The following IFT43 variants were observed in gnomAD, a reference collection of about 807,000 sequenced individuals.
The protein encoded by IFT43 is intraflagellar transport protein 43 homolog.
IFT43 carries 33 observed loss-of-function variants against 32.3 expected under a neutral mutation model. That is an observed-to-expected ratio of 1.02 (90% CI 0.77 to 1.37). IFT43 has a LOEUF of 1.37. IFT43 is among the 40% of genes most tolerant of loss of function. The pLI, the probability that IFT43 is intolerant of heterozygous loss-of-function variation, is 0.00. For synonymous variants in IFT43, 93 were observed against 98.2 expected (o/e 0.95, Z 0.31); for missense variants, 274 against 265.9 (o/e 1.03, Z -0.21).
chr14:76,066,620 C>T (rs2037228403), intron 5 of IFT43, among the ~76,000 whole-genome samples: 1 of 152,182 alleles, frequency 6.6e-6, no homozygotes, highest in Non-Finnish European at 1.5e-5. Flanking sequence ...GGAATGATTT[C>T]CCTGAATCAT....
intron 5 of IFT43, chr14:76,076,643 C>A: frequency 6.2e-7 from 1 of 1,614,150 alleles, no homozygotes; most frequent in African/African-American, 1.3e-5. Context: ...CGCATGCTAT[C>A]ACAAAACGCA....
chr14:76,083,315 G>A, intron 8 of IFT43, 26 bp downstream of exon 8: 1 of 1,610,752 alleles, frequency 6.2e-7, no homozygotes, highest in Non-Finnish European at 8.5e-7. Context: ...CAATTCCCCG[G>A]TCTCTCAGCT....
chr14:75,992,681 G>A (rs930193060), intron 2 of IFT43, among the ~76,000 whole-genome samples: 3 of 152,120 alleles, frequency 2.0e-5, no homozygotes, highest in Admixed American at 6.5e-5. Context: ...GGGTAGCTGG[G>A]ACCACAGGCA....
intron 3 of IFT43, among the ~76,000 whole-genome samples, chr14:76,039,760 C>G (rs1324691762): frequency 6.6e-6 from 1 of 152,124 alleles, no homozygotes; most frequent in Non-Finnish European, 1.5e-5. Flanking sequence ...CTCAGGCACC[C>G]AGTTTCCTCT....
intron 2 of IFT43, among the ~76,000 whole-genome samples, chr14:76,008,398 G>A (rs1317478501): frequency 6.6e-6 from 1 of 152,070 alleles, no homozygotes; most frequent in Non-Finnish European, 1.5e-5. Context: ...TAATATAATA[G>A]CCACTGTTAT....
rs180933983 is a variant in IFT43, at chr14:76,015,845, A to G, written c.148-6482A>G. Among the ~76,000 whole-genome samples, 86 of 152,344 alleles carry G rather than the reference A, an allele frequency of 5.6e-4. 1 individual carries two copies. Among genetic ancestry groups the G allele is most frequent in the African/African-American group, 1.9e-3 (78 of 41,580 alleles). The stretch of plus-strand genomic sequence containing the variant: ...ATATCCGTTAGTAAAGTGACAGTTC[A>G]GTCCAGGCTCAAAGGAGCCATTTTA... On this transcript the variant is annotated intron_variant, in intron 2 of 8. Transcript: ENST00000314067.
intron 5 of IFT43, among the ~76,000 whole-genome samples, chr14:76,067,210 A>G (rs2037238884): frequency 6.6e-6 from 1 of 152,180 alleles, no homozygotes. Flanking sequence ...ATGCCTAGGG[A>G]TAGAAGACAA....
intron 5 of IFT43, among the ~76,000 whole-genome samples, chr14:76,071,206 C>G (rs2037315465): frequency 6.6e-6 from 1 of 152,180 alleles, no homozygotes; most frequent in Admixed American, 6.5e-5. Flanking sequence ...TGTCTCAGTG[C>G]TTTGTTAAAT....
intron 2 of IFT43, among the ~76,000 whole-genome samples, chr14:75,996,678 C>T (rs1015554274): frequency 7.2e-5 from 11 of 152,224 alleles, no homozygotes; most frequent in South Asian, 2.1e-4. Context: ...TGTTTGCCAA[C>T]ACCTTTCTGT....
At chr14:76,037,297 C>T (rs528377242) in intron 3 of IFT43, among the ~76,000 whole-genome samples, 3 of 152,316 alleles carry the variant, frequency 2.0e-5, no homozygotes, top group South Asian at 2.1e-4. Flanking sequence ...CACAGGTGTC[C>T]GGTCATTCCA....
At chr14:75,998,482 A>G (rs1198277343) in intron 2 of IFT43, among the ~76,000 whole-genome samples, 1 of 152,170 alleles carries the variant, frequency 6.6e-6, no homozygotes, top group Non-Finnish European at 1.5e-5. Flanking sequence ...GAAGCTGAGG[A>G]CCACTTGTGT....
intron 7 of IFT43, 74 bp downstream of exon 7, chr14:76,082,766 C>A: frequency 8.7e-7 from 1 of 1,143,462 alleles, no homozygotes; most frequent in Non-Finnish European, 1.3e-6. Flanking sequence ...TTTCTCAGTT[C>A]CTCCCAAGCT....
At chr14:76,081,292 C>T (rs1198785101) in intron 5 of IFT43, among the ~76,000 whole-genome samples, 1 of 152,260 alleles carries the variant, frequency 6.6e-6, no homozygotes, top group Non-Finnish European at 1.5e-5. Flanking sequence ...AAGATGTCTT[C>T]ACCAGTCTAC....
intron 3 of IFT43, among the ~76,000 whole-genome samples, chr14:76,043,586 G>A (rs1385120593): frequency 6.6e-6 from 1 of 152,110 alleles, no homozygotes; most frequent in Non-Finnish European, 1.5e-5. Context: ...TTTTGACATG[G>A]GACAACCTTG....
At chr14:76,050,606 A>T (rs1027136156) in intron 3 of IFT43, among the ~76,000 whole-genome samples, 2 of 152,066 alleles carry the variant, frequency 1.3e-5, no homozygotes, top group East Asian at 3.9e-4. Context: ...ACAGGTGCAC[A>T]CCGCTGTACC....
intron 3 of IFT43, among the ~76,000 whole-genome samples, chr14:76,051,214 C>CT (rs1338222199): frequency 6.8e-6 from 1 of 146,684 alleles, no homozygotes; most frequent in Non-Finnish European, 1.5e-5. Flanking sequence ...AATATGGTAC[C>CT]TAGCGGCATA....
chr14:76,048,437 G>T (rs191585642), intron 3 of IFT43, among the ~76,000 whole-genome samples: 2 of 152,182 alleles, frequency 1.3e-5, no homozygotes. Context: ...AAAATTCTCC[G>T]AACATAAATG....
At chr14:76,026,259 TAAA>T (rs2036391807) in intron 3 of IFT43, among the ~76,000 whole-genome samples, 1 of 152,042 alleles carries the variant, frequency 6.6e-6, no homozygotes, top group African/African-American at 2.4e-5. Flanking sequence ...TGGCAGTTAT[TAAA>T]AAGTCAAAAA....
At chr14:76,043,471 AT>A (rs571213911) in intron 3 of IFT43, among the ~76,000 whole-genome samples, 188 of 146,080 alleles carry the variant, frequency 1.3e-3, no homozygotes, top group African/African-American at 1.9e-3. Flanking sequence ...AGGTATCACG[AT>A]TTTTTTTTTT....
Sources: gnomAD v4.1 joint callset for allele counts (sites outside exome capture counted in the v4.1 genomes callset) on GRCh38, gnomAD v4.1.1 for gene constraint, MANE v1.5 for transcripts, NCBI Gene and HGNC (gene_info 2026-07-23, HGNC 2026-07-21) for gene names.